The following C8orf34 variants were observed in gnomAD, a reference collection of about 807,000 sequenced individuals.
C8orf34 encodes uncharacterized protein C8orf34.
C8orf34 carries 65 observed loss-of-function variants against 68.3 expected under a neutral mutation model. That is an observed-to-expected ratio of 0.95 (90% CI 0.78 to 1.17). The LOEUF (loss-of-function observed/expected upper bound fraction) is 1.17. Among genes scored for constraint, C8orf34 ranks in the 50% most tolerant of loss-of-function variants. The pLI is 0.00. For synonymous variants in C8orf34, 244 were observed against 241.2 expected, an observed-to-expected ratio of 1.01 and a Z score of -0.11; for missense variants, 664 against 655.4, an observed-to-expected ratio of 1.01 and a Z score of -0.14.
chr8:68,575,421 T>C (rs1816873281), intron 7 of C8orf34, among the ~76,000 whole-genome samples: 1 of 152,126 alleles, frequency 6.6e-6, no homozygotes, highest in Non-Finnish European at 1.5e-5. Flanking sequence ...TCCTTCATAC[T>C]GTCACTTCCT....
At chr8:68,528,317 T>G (rs1439548383) in intron 6 of C8orf34, among the ~76,000 whole-genome samples, 1 of 152,190 alleles carries the variant, frequency 6.6e-6, no homozygotes, top group Non-Finnish European at 1.5e-5. Flanking sequence ...TTCAGGCATC[T>G]CACTTTCTGA....
At chr8:68,688,275 A>G (rs1455854845) in intron 8 of C8orf34, among the ~76,000 whole-genome samples, 2 of 152,122 alleles carry the variant, frequency 1.3e-5, no homozygotes, top group Non-Finnish European at 2.9e-5. Context: ...AAAGGAAAAT[A>G]AGTAATTATA....
rs557714685 is a variant in C8orf34, at chr8:68,581,106, A to G, written c.1105+47957A>G. 4.6e-5 allele frequency among the ~76,000 whole-genome samples: 7 copies of G among 152,280 alleles called. No individual in the cohort carries two copies. The South Asian group carries it at 1.5e-3, about 32-fold the overall frequency. ...AGAGAAATGCATATACATTTATTTA[A>G]TAAGTGTTATGGGACACGAGGGCCT... On this transcript the variant is annotated intron_variant, in intron 7 of 13. Coordinates refer to ENST00000518698, the MANE Select transcript of C8orf34 (RefSeq NM_052958.4).
chr8:68,424,829 G>A lies in C8orf34; in HGVS notation c.328-14670G>A, dbSNP rs183105854. ...GCAGTAGAATGGTGTGAACCTGGGA[G>A]GCGGAGCTTGCAGTGAGCTGAGATT... On this transcript the variant is annotated intron_variant, in intron 1 of 13. Transcript: ENST00000518698. 4.5e-4 allele frequency among the ~76,000 whole-genome samples: 68 copies of A among 152,230 alleles called. 1 individual carries two copies. Among genetic ancestry groups the A allele is most frequent in the African/African-American group, 1.5e-3 (62 of 41,540 alleles).
At chr8:68,570,265 T>C (rs986510913) in intron 7 of C8orf34, among the ~76,000 whole-genome samples, 15 of 152,310 alleles carry the variant, frequency 9.8e-5, no homozygotes, top group Non-Finnish European at 1.6e-4. Context: ...TTTGTTTCCA[T>C]ATATATTTGC....
At chr8:68,539,928 T>A (rs887963792) in intron 7 of C8orf34, among the ~76,000 whole-genome samples, 1 of 144,178 alleles carries the variant, frequency 6.9e-6, no homozygotes, top group African/African-American at 2.8e-5. Context: ...TTGTCAATTA[T>A]TTTCAACATC....
intron 7 of C8orf34, among the ~76,000 whole-genome samples, chr8:68,638,739 C>A (rs951054616): frequency 6.6e-6 from 1 of 151,772 alleles, no homozygotes; most frequent in African/African-American, 2.4e-5. Context: ...TGAGTACGTA[C>A]AATATTTCTG....
At chr8:68,447,067 A>T (rs1476680803) in intron 3 of C8orf34, 1 of 153,552 alleles carries the variant, frequency 6.5e-6, no homozygotes, top group Admixed American at 6.5e-5. Context: ...GCATGACACT[A>T]GCATCTGCTT....
intron 5 of C8orf34, among the ~76,000 whole-genome samples, chr8:68,518,268 C>A (rs2129635248): frequency 6.6e-6 from 1 of 152,250 alleles, no homozygotes; most frequent in East Asian, 1.9e-4. Flanking sequence ...GAATCCAGTC[C>A]ATGTTGAGCT....
At chr8:68,794,482 A>AAT (rs1242445585) in intron 12 of C8orf34, among the ~76,000 whole-genome samples, 1,855 of 89,274 alleles carry the variant, frequency 0.021, 69 homozygotes, top group Admixed American at 0.037. Context: ...TATAAATATA[A>AAT]ATATATATAT....
At chr8:68,490,499 C>T (rs1813265645) in intron 5 of C8orf34, among the ~76,000 whole-genome samples, 1 of 152,268 alleles carries the variant, frequency 6.6e-6, no homozygotes, top group Admixed American at 6.5e-5. Context: ...CTCACACCCT[C>T]TCTCTTCCCG....
At chr8:68,566,626 C>T (rs770301650) in intron 7 of C8orf34, among the ~76,000 whole-genome samples, 3 of 152,196 alleles carry the variant, frequency 2.0e-5, no homozygotes, top group Non-Finnish European at 4.4e-5. Flanking sequence ...GAGAGTTAGG[C>T]CTTTATAGAA....
intron 1 of C8orf34, among the ~76,000 whole-genome samples, chr8:68,334,461 A>G (rs993765116): frequency 6.6e-5 from 10 of 151,526 alleles, no homozygotes; most frequent in Admixed American, 5.9e-4. Flanking sequence ...AGTGGAATAT[A>G]TATATTCCAT....
intron 11 of C8orf34, among the ~76,000 whole-genome samples, chr8:68,785,078 C>T (rs1426249520): frequency 6.6e-6 from 1 of 151,908 alleles, no homozygotes; most frequent in Non-Finnish European, 1.5e-5. Context: ...GGCATGGTTG[C>T]TCACACCTGT....
At chr8:68,472,255 C>G (rs762255414) in intron 4 of C8orf34, among the ~76,000 whole-genome samples, 18 of 152,126 alleles carry the variant, frequency 1.2e-4, no homozygotes, top group Non-Finnish European at 2.4e-4. Flanking sequence ...CATTTCTATA[C>G]TTTCCTCAAA....
chr8:68,540,199 T>C (rs1017424328), intron 7 of C8orf34, among the ~76,000 whole-genome samples: 3 of 151,828 alleles, frequency 2.0e-5, no homozygotes, highest in Admixed American at 6.6e-5. Flanking sequence ...GGAAAAAATA[T>C]AAGTGTTCTA....
At chr8:68,590,310 T>A (rs1817348838) in intron 7 of C8orf34, among the ~76,000 whole-genome samples, 1 of 151,992 alleles carries the variant, frequency 6.6e-6, no homozygotes, top group Non-Finnish European at 1.5e-5. Context: ...AAATCTATAG[T>A]ACAACTTTTC....
At chr8:68,475,082 C>T (rs8180911) in intron 4 of C8orf34, among the ~76,000 whole-genome samples, 91,362 of 151,964 alleles carry the variant, frequency 0.6, 28,111 homozygotes, top group East Asian at 0.88. Context: ...CTTTATGCAC[C>T]GCACTCCCTC....
chr8:68,691,186 G>T (rs1820674799), intron 8 of C8orf34, among the ~76,000 whole-genome samples: 1 of 152,056 alleles, frequency 6.6e-6, no homozygotes, highest in Non-Finnish European at 1.5e-5. Context: ...GAGCTGTGAA[G>T]ATACTGCATT....
Sources: gnomAD v4.1 joint callset for allele counts (sites outside exome capture counted in the v4.1 genomes callset) on GRCh38, gnomAD v4.1.1 for gene constraint, MANE v1.5 for transcripts, NCBI Gene and HGNC (gene_info 2026-07-23, HGNC 2026-07-21) for gene names.